CNTN1: variants seen among roughly 807,000 people sequenced by gnomAD.
CNTN1 encodes the protein contactin 1, also known as contactin-1.
A neutral mutation model predicts 126.4 loss-of-function variants in CNTN1; 38 were observed. The observed-to-expected ratio is 0.30, with a 90% confidence interval of 0.23 to 0.39. The LOEUF is 0.39. Among genes scored for constraint, CNTN1 ranks in the 10% least tolerant of loss-of-function variants. The pLI is 1.00. For synonymous variants in CNTN1, 413 were observed against 422.6 expected, an observed-to-expected ratio of 0.98 and a Z score of 0.28; for missense variants, 1,009 against 1,248.4, an observed-to-expected ratio of 0.81 and a Z score of 2.89.
chr12:41,037,048 T>C lies in CNTN1; in HGVS notation c.2980+7829T>C, dbSNP rs1438623203. Among the ~76,000 whole-genome samples the C allele has an allele frequency of 2.6e-5, 4 of 152,192 alleles. No homozygotes were observed. The East Asian group carries it at 7.7e-4, about 29-fold the overall frequency. On this transcript the variant is annotated intron_variant, in intron 23 of 23. Coordinates refer to ENST00000551295, the MANE Select transcript of CNTN1 (RefSeq NM_001843.4). ...AATTCTGTTCATGCCCTTTCTATGTTTCATGTTAAGAACTTTCTTTAAAAT... is the reference window on the plus strand; with the variant it reads ...AATTCTGTTCATGCCCTTTCTATGTCTCATGTTAAGAACTTTCTTTAAAAT...
chr12:40,852,269 T>C (rs760242965), intron 1 of CNTN1, among the ~76,000 whole-genome samples: 12 of 152,170 alleles, frequency 7.9e-5, no homozygotes, highest in Non-Finnish European at 1.3e-4. Flanking sequence ...TCGGTTTCCT[T>C]ATAGTTACTC....
Position 40,924,576 on chromosome 12 carries a change from T to G in CNTN1, c.420T>G (p.Pro140=). 1.9e-6 allele frequency: 3 copies of G among 1,595,756 alleles called. No homozygotes were observed. The highest frequency in any genetic ancestry group is 2.6e-6 in the Non-Finnish European group (3 of 1,164,056). ...LSFGYLDPFP[P]EERPEVRVKE... ...AATTAGATCTTGATCCTTTCCCACC[T>G]GAGGAACGTCCTGAGGTCAGAGTAA... Residue 140 remains proline, a synonymous_variant, in exon 6 of 24, where the codon CCT becomes CCG. Coordinates refer to ENST00000551295, the MANE Select transcript of CNTN1 (RefSeq NM_001843.4).
In CNTN1 at chr12:41,034,482, G is replaced by C. The variant is rs146624185; in HGVS notation, c.2980+5263G>C. Among the ~76,000 whole-genome samples, 642 of 152,274 alleles carry C rather than the reference G, an allele frequency of 4.2e-3. 2 individuals carry two copies. The highest frequency in any genetic ancestry group is 7.0e-3 in the Non-Finnish European group (476 of 68,028). ...ATTTCCTAAGTATTGCAGTGTAAGA[G>C]GGACAAGAGGATAGTAGGATGTTTA... On this transcript the variant is annotated intron_variant, in intron 23 of 23. Coordinates refer to ENST00000551295, the MANE Select transcript of CNTN1 (RefSeq NM_001843.4).
chr12:41,004,734 C>G (rs553180237), intron 17 of CNTN1, among the ~76,000 whole-genome samples: 2 of 152,176 alleles, frequency 1.3e-5, no homozygotes, highest in Non-Finnish European at 2.9e-5. Context: ...TCTGTTTTGT[C>G]AGAAACTAGG....
intron 17 of CNTN1, among the ~76,000 whole-genome samples, chr12:41,002,330 T>A (rs1441895895): frequency 6.6e-6 from 1 of 152,166 alleles, no homozygotes; most frequent in African/African-American, 2.4e-5. Context: ...TGGTTTGTAG[T>A]TCTCCTTGTA....
intron 3 of CNTN1, among the ~76,000 whole-genome samples, chr12:40,911,332 A>G (rs1027450146): frequency 1.4e-4 from 21 of 152,220 alleles, no homozygotes; most frequent in East Asian, 7.7e-4. Flanking sequence ...CGCCCGCCTT[A>G]GCCTCCCAAA....
intron 1 of CNTN1, among the ~76,000 whole-genome samples, chr12:40,795,021 A>C (rs904446035): frequency 1.8e-4 from 27 of 152,234 alleles, no homozygotes; most frequent in Admixed American, 1.8e-3. Flanking sequence ...TAATATCTGC[A>C]ATCAGTTGAT....
rs1947680067 is a variant in CNTN1 at position 40,976,552 on chromosome 12, AAAAG to A, written c.1805-4346_1805-4343del. ...ATGGAAACTAAAAAAAGAAAAAAAA[AAAAG>A]AAAGAAAGAACTCAGGGTTAGAATT... On this transcript the variant is annotated intron_variant, in intron 15 of 23. Transcript: ENST00000551295. Among the ~76,000 whole-genome samples, 5 of 152,162 alleles carry A rather than the reference AAAAG, an allele frequency of 3.3e-5. No homozygotes were observed. The South Asian group carries it at 6.2e-4, about 19-fold the overall frequency.
At chr12:40,791,768 A>G (rs903635386) in intron 1 of CNTN1, among the ~76,000 whole-genome samples, 1 of 152,122 alleles carries the variant, frequency 6.6e-6, no homozygotes, top group African/African-American at 2.4e-5. Context: ...AATATACTAC[A>G]TGTCAGAAAG....
intron 1 of CNTN1, among the ~76,000 whole-genome samples, chr12:40,743,819 G>C (rs1343118825): frequency 1.3e-5 from 2 of 151,866 alleles, no homozygotes; most frequent in African/African-American, 4.8e-5. Flanking sequence ...TTTTTGCTTT[G>C]GTTGCAATTG....
chr12:40,742,016 T>C (rs1318453011), intron 1 of CNTN1, among the ~76,000 whole-genome samples: 1 of 152,074 alleles, frequency 6.6e-6, no homozygotes, highest in African/African-American at 2.4e-5. Flanking sequence ...AAGAGTTTTG[T>C]ATATATATTC....
intron 1 of CNTN1, among the ~76,000 whole-genome samples, chr12:40,863,947 C>CCTCCCTCCCTCCCTCT (rs1565850860): frequency 6.8e-6 from 1 of 146,866 alleles, no homozygotes; most frequent in African/African-American, 2.5e-5. Context: ...TCCCTCCCTC[C>CCTCCCTCCCTCCCTCT]CTCCCTCTCT....
intron 21 of CNTN1, among the ~76,000 whole-genome samples, chr12:41,026,876 A>T (rs1275080411): frequency 3.3e-5 from 5 of 152,204 alleles, no homozygotes; most frequent in Admixed American, 3.3e-4. Flanking sequence ...CTATTTCAGC[A>T]GTCAAGGAGA....
At chr12:40,738,382 GA>G (rs1417192691) in intron 1 of CNTN1, among the ~76,000 whole-genome samples, 11 of 152,094 alleles carry the variant, frequency 7.2e-5, no homozygotes, top group Middle Eastern at 3.4e-3. Flanking sequence ...TTAGAATTTT[GA>G]AGGGTAAAAA....
At chr12:40,906,287 G>T (rs1393204643) in intron 1 of CNTN1, among the ~76,000 whole-genome samples, 1 of 151,870 alleles carries the variant, frequency 6.6e-6, no homozygotes, top group East Asian at 1.9e-4. Flanking sequence ...AAAAAAAATT[G>T]CTTTTCATTC....
chr12:40,952,711 A>C (rs1946733809), intron 14 of CNTN1, among the ~76,000 whole-genome samples: 1 of 152,124 alleles, frequency 6.6e-6, no homozygotes, highest in Non-Finnish European at 1.5e-5. Context: ...ACCCTAATTA[A>C]ATATCTGCTG....
rs1009147026 is a variant in CNTN1 at position 41,061,687 on chromosome 12, T to A, written c.2981-8272T>A. ...CTTGATATTCTCAAATATATTATGG[T>A]TTGCCTAGAATTACAGACTCAGGGC... On this transcript the variant is annotated intron_variant, in intron 23 of 23. Transcript: ENST00000551295. The A allele has an allele frequency of 1.0e-5, 4 of 399,832 alleles. No homozygotes were observed. In the Admixed American group the frequency reaches 1.3e-4, roughly 13 times the overall value. The allele number at this position is 399,832 out of a possible 1,614,324, so 24.8% of individuals were successfully genotyped here.
chr12:40,820,366 A>G (rs1941406405), intron 1 of CNTN1, among the ~76,000 whole-genome samples: 1 of 152,222 alleles, frequency 6.6e-6, no homozygotes. Flanking sequence ...CAGAGGGGAC[A>G]AATATTCAAA....
Position 41,072,255 on chromosome 12 carries a change from A to G in CNTN1, c.*2220A>G, listed in dbSNP as rs1950170408. 1 of 152,198 alleles carries G rather than the reference A, an allele frequency of 6.6e-6. No individual in the cohort carries two copies. The highest frequency in any genetic ancestry group is 1.5e-5 in the Non-Finnish European group (1 of 68,032). 9.4% of individuals were successfully genotyped at this position (152,198 alleles called of 1,614,324 possible). ...CTGTTGTTTCTTTGTATTTCAGGAA[A>G]GGTGATAGTAGTTTTATTTGATACT... is the stretch of plus-strand genomic sequence containing the variant. On this transcript the variant is annotated 3_prime_UTR_variant, in exon 24 of 24. Coordinates refer to ENST00000551295, the MANE Select transcript of CNTN1 (RefSeq NM_001843.4).
Sources: gnomAD v4.1 joint callset for allele counts (sites outside exome capture counted in the v4.1 genomes callset) on GRCh38, gnomAD v4.1.1 for gene constraint, MANE v1.5 for transcripts, NCBI Gene and HGNC (gene_info 2026-07-23, HGNC 2026-07-21) for gene names.